ECT2L: variants seen among roughly 807,000 people sequenced by gnomAD.
The protein encoded by ECT2L is epithelial cell-transforming sequence 2 oncogene-like.
In ECT2L, 126 loss-of-function variants were observed where a neutral mutation model predicts 122.8. That is an observed-to-expected ratio of 1.03 (90% CI 0.89 to 1.19). The LOEUF (loss-of-function observed/expected upper bound fraction) is 1.19. Ranked by LOEUF, ECT2L falls within the 50% of genes most tolerant of loss-of-function variation. ECT2L has a pLI of 0.00. For synonymous variants in ECT2L, 385 were observed against 381.8 expected, an observed-to-expected ratio of 1.01 and a Z score of -0.10; for missense variants, 1,012 against 1,064.1, an observed-to-expected ratio of 0.95 and a Z score of 0.68.
chr6:138,828,538 C>T (rs1166334637), intron 4 of ECT2L, among the ~76,000 whole-genome samples: 1 of 152,138 alleles, frequency 6.6e-6, no homozygotes, highest in Non-Finnish European at 1.5e-5. Flanking sequence ...TGGCGAGTTC[C>T]AGTGGTTTTT....
At chr6:138,822,979 T>C (rs1004375232) in intron 4 of ECT2L, 2 of 1,607,900 alleles carry the variant, frequency 1.2e-6, no homozygotes, top group East Asian at 4.5e-5. Flanking sequence ...AAAACAGATG[T>C]GTACATCCTG....
In ECT2L at chr6:138,882,825, C is replaced by G. The variant is rs776457446; in HGVS notation, c.1982C>G (p.Thr661Ser). The G allele has an allele frequency of 6.2e-6, 10 of 1,614,142 alleles. No homozygotes were observed. The highest frequency in any genetic ancestry group is 8.5e-6 in the Non-Finnish European group (10 of 1,180,022). ...TTTGGAAGCCAGTTAAACACATATA[C>G]CAATTTCTTCAACAATTACCCTGTC... The part of the protein sequence containing the change: ...TKFGSQLNTY[T>S]NFFNNYPVIL... Residue 661 changes from threonine to serine, a missense_variant, in exon 16 of 22, where the codon ACC becomes AGC. Coordinates refer to ENST00000541398, the MANE Select transcript of ECT2L (RefSeq NM_001077706.3).
In ECT2L at chr6:138,843,941, T is replaced by A. The variant is rs551559833; in HGVS notation, c.596-471T>A. ...CTGGGCTCAAGTGACCCGCCCACCCTGGCCTCCCAAGGTGCTGGGATTACA... is the reference window on the plus strand; with the variant it reads ...CTGGGCTCAAGTGACCCGCCCACCCAGGCCTCCCAAGGTGCTGGGATTACA... On this transcript the variant is annotated intron_variant, in intron 6 of 21. Transcript: ENST00000541398. 3.3e-5 allele frequency among the ~76,000 whole-genome samples: 5 copies of A among 152,284 alleles called. No homozygotes were observed. In the East Asian group the frequency reaches 7.7e-4, roughly 24 times the overall value.
At chr6:138,835,001 C>T (rs962247207) in intron 4 of ECT2L, among the ~76,000 whole-genome samples, 3 of 151,924 alleles carry the variant, frequency 2.0e-5, no homozygotes, top group African/African-American at 7.3e-5. Context: ...TTACGCCACT[C>T]TGTTTTGTCT....
intron 4 of ECT2L, among the ~76,000 whole-genome samples, chr6:138,834,894 T>C (rs1163830053): frequency 7.3e-6 from 1 of 137,336 alleles, no homozygotes; most frequent in Admixed American, 7.5e-5. Context: ...TGCCCCCGTT[T>C]ACACACACAC....
intron 1 of ECT2L, among the ~76,000 whole-genome samples, chr6:138,807,503 C>T (rs868864152): frequency 6.6e-6 from 1 of 152,170 alleles, no homozygotes; most frequent in Admixed American, 6.5e-5. Context: ...CATCTTCTCA[C>T]TAGCCTTTCT....
intron 4 of ECT2L, among the ~76,000 whole-genome samples, chr6:138,838,019 G>A (rs917306821): frequency 6.6e-6 from 1 of 151,828 alleles, no homozygotes; most frequent in Non-Finnish European, 1.5e-5. Flanking sequence ...TCCTGCCTTG[G>A]CCTTCCAAGT....
At chr6:138,898,953 C>A (rs575590776) in intron 20 of ECT2L, among the ~76,000 whole-genome samples, 78 of 151,716 alleles carry the variant, frequency 5.1e-4, no homozygotes, top group Non-Finnish European at 9.9e-4. Flanking sequence ...TAAAATAGAA[C>A]AATTATAATG....
chr6:138,882,946 A>G (rs1010212086), intron 16 of ECT2L, 75 bp downstream of exon 16: 6 of 1,484,664 alleles, frequency 4.0e-6, no homozygotes, highest in Admixed American at 3.8e-5. Context: ...CCGAAAGACC[A>G]GCGTTAATAA....
chr6:138,882,177 G>C (rs148624771), intron 15 of ECT2L, among the ~76,000 whole-genome samples: 1 of 152,306 alleles, frequency 6.6e-6, no homozygotes, highest in Non-Finnish European at 1.5e-5. Context: ...GAGGCAACCT[G>C]AGTATGTCCT....
At chr6:138,824,585 A>T (rs1398942348) in intron 4 of ECT2L, among the ~76,000 whole-genome samples, 1 of 151,374 alleles carries the variant, frequency 6.6e-6, no homozygotes, top group Non-Finnish European at 1.5e-5. Flanking sequence ...CAAAAACAAA[A>T]AAAACACAAA....
At position 138,860,893 on chromosome 6, in the gene ECT2L, G is replaced by A. The variant is rs951555276; in HGVS notation, c.1199-1734G>A. 2.0e-5 allele frequency among the ~76,000 whole-genome samples: 3 copies of A among 151,206 alleles called. No homozygotes were observed. In the East Asian group the frequency reaches 5.8e-4, roughly 29 times the overall value. ...CCCTCCCCTTTCCCGCCAACCCCCT[G>A]ACAGGCCCCAGTGTGTGATGTTCCC... On this transcript the variant is annotated intron_variant, in intron 10 of 21. Transcript: ENST00000541398.
intron 1 of ECT2L, among the ~76,000 whole-genome samples, chr6:138,796,742 AT>A (rs1045827001): frequency 6.6e-6 from 1 of 152,210 alleles, no homozygotes; most frequent in Non-Finnish European, 1.5e-5. Flanking sequence ...TAAAATATCG[AT>A]TTAAAAATAC....
chr6:138,902,371 C>T, intron 21 of ECT2L, 129 bp from the exon 22 acceptor site: 1 of 738,784 alleles, frequency 1.4e-6, no homozygotes. Flanking sequence ...TTATATTCTA[C>T]ACTGAATATG....
intron 21 of ECT2L, 53 bp from the exon 22 acceptor site, chr6:138,902,447 A>T: frequency 6.5e-7 from 1 of 1,537,296 alleles, no homozygotes; most frequent in South Asian, 1.2e-5. Context: ...ATTTTTTCTC[A>T]TTTTGATTGT....
At chr6:138,831,246 G>T (rs1228756531) in intron 4 of ECT2L, among the ~76,000 whole-genome samples, 1 of 152,216 alleles carries the variant, frequency 6.6e-6, no homozygotes, top group Non-Finnish European at 1.5e-5. Context: ...CTTCTAATTG[G>T]TCTCCCCATC....
In ECT2L at chr6:138,864,397, T is replaced by C. The variant is rs371576321; in HGVS notation, c.1292-599T>C. ...TAGAGGAAACAAAGCAAATACACTA[T>C]GTATCCATTCAGGACAGAAAATCAA... On this transcript the variant is annotated intron_variant, in intron 11 of 21. Coordinates refer to ENST00000541398, the MANE Select transcript of ECT2L (RefSeq NM_001077706.3). 8.5e-5 allele frequency among the ~76,000 whole-genome samples: 13 copies of C among 152,312 alleles called. No individual in the cohort carries two copies. The South Asian group carries it at 2.3e-3, about 27-fold the overall frequency.
At chr6:138,888,688 C>T (rs1778914315) in intron 19 of ECT2L, among the ~76,000 whole-genome samples, 1 of 152,122 alleles carries the variant, frequency 6.6e-6, no homozygotes, top group Non-Finnish European at 1.5e-5. Flanking sequence ...AAAGCACTTA[C>T]AAATAAAACT....
chr6:138,812,143 G>A (rs966322307), intron 1 of ECT2L, among the ~76,000 whole-genome samples: 1 of 152,220 alleles, frequency 6.6e-6, no homozygotes, highest in Non-Finnish European at 1.5e-5. Context: ...AGGACACAGT[G>A]AGAAGGCAGC....
Sources: gnomAD v4.1 joint callset for allele counts (sites outside exome capture counted in the v4.1 genomes callset) on GRCh38, gnomAD v4.1.1 for gene constraint, MANE v1.5 for transcripts, NCBI Gene and HGNC (gene_info 2026-07-23, HGNC 2026-07-21) for gene names.